EYS: variants seen among roughly 807,000 people sequenced by gnomAD.
EYS encodes EGF-like photoreceptor maintenance factor.
A neutral mutation model predicts 282.1 loss-of-function variants in EYS; 250 were observed. The observed-to-expected ratio is 0.89, with a 90% confidence interval of 0.80 to 0.98. The LOEUF (loss-of-function observed/expected upper bound fraction) is 0.98, where lower values mean the gene tolerates loss of function less well. Among genes scored for constraint, EYS ranks in the 50% least tolerant of loss-of-function variants. The pLI, the probability that EYS is intolerant of heterozygous loss-of-function variation, is 0.00. For missense variants in EYS, 4,016 were observed against 3,709.0 expected, an observed-to-expected ratio of 1.08 and a Z score of -2.15; for synonymous variants, 1,355 against 1,282.9, an observed-to-expected ratio of 1.06 and a Z score of -1.20.
chr6:64,845,338 C>A (rs1765686950), intron 19 of EYS, among the ~76,000 whole-genome samples: 1 of 151,930 alleles, frequency 6.6e-6, no homozygotes, highest in Admixed American at 6.6e-5. Flanking sequence ...AGAATCCATT[C>A]TTGGCTCTTC....
chr6:65,570,886 A>G (rs1383808871), intron 2 of EYS, among the ~76,000 whole-genome samples: 1 of 152,082 alleles, frequency 6.6e-6, no homozygotes, highest in Non-Finnish European at 1.5e-5. Flanking sequence ...ATTTTTTTCA[A>G]TGTATTTTTT....
intron 5 of EYS, among the ~76,000 whole-genome samples, chr6:65,442,408 TA>T (rs1001527377): frequency 5.3e-5 from 8 of 152,046 alleles, no homozygotes; most frequent in Non-Finnish European, 8.8e-5. Context: ...TATTTTATGG[TA>T]AGGCAATTTT....
intron 35 of EYS, among the ~76,000 whole-genome samples, chr6:63,966,222 G>A (rs1766301791): frequency 6.6e-6 from 1 of 152,190 alleles, no homozygotes; most frequent in South Asian, 2.1e-4. Flanking sequence ...CAGCGACCTG[G>A]ATGAGATTGG....
At chr6:64,786,360 G>T (rs1304381408) in intron 22 of EYS, among the ~76,000 whole-genome samples, 1 of 152,070 alleles carries the variant, frequency 6.6e-6, no homozygotes, top group Non-Finnish European at 1.5e-5. Flanking sequence ...ATATATAGAC[G>T]TTGGAAGAGG....
At chr6:65,125,323 AT>A (rs1287360800) in intron 12 of EYS, among the ~76,000 whole-genome samples, 1 of 152,180 alleles carries the variant, frequency 6.6e-6, no homozygotes, top group African/African-American at 2.4e-5. Flanking sequence ...TAGAGTCTCA[AT>A]GAAACCAGTT....
At chr6:64,656,791 G>A (rs896022584) in intron 22 of EYS, among the ~76,000 whole-genome samples, 1 of 152,144 alleles carries the variant, frequency 6.6e-6, no homozygotes, top group Non-Finnish European at 1.5e-5. Flanking sequence ...GTTCTGCTTT[G>A]CATGAAAGTA....
intron 5 of EYS, among the ~76,000 whole-genome samples, chr6:65,443,184 T>C (rs552766800): frequency 1.3e-5 from 2 of 151,638 alleles, no homozygotes; most frequent in African/African-American, 2.4e-5. Context: ...GTGCACATCA[T>C]ATACATATGT....
chr6:64,932,812 C>CAG (rs1205255732), intron 15 of EYS, among the ~76,000 whole-genome samples: 1 of 151,944 alleles, frequency 6.6e-6, no homozygotes, highest in Admixed American at 6.6e-5. Flanking sequence ...TTCATTTTAG[C>CAG]TGACCACTAA....
chr6:64,078,269 C>T (rs574418664), intron 32 of EYS, among the ~76,000 whole-genome samples: 3 of 152,146 alleles, frequency 2.0e-5, no homozygotes, highest in Admixed American at 2.0e-4. Flanking sequence ...CAAAGCAACT[C>T]AAACAAAATC....
Position 64,677,021 on chromosome 6 carries a change from C to T in EYS, c.3444-50776G>A, listed in dbSNP as rs146791456. Among the ~76,000 whole-genome samples the T allele has an allele frequency of 4.8e-3, 737 of 152,122 alleles. 3 individuals are homozygous for T. The highest frequency in any genetic ancestry group is 5.9e-3 in the Non-Finnish European group (403 of 68,008). ...GCTTTTTGAACTGTTTCAAAACAAG[C>T]GGAAGACACTTTAATAAAGCAGATG... On this transcript the variant is annotated intron_variant, in intron 22 of 42. Coordinates refer to ENST00000503581, the MANE Select transcript of EYS (RefSeq NM_001142800.2).
At chr6:64,888,197 A>C (rs1289262516) in intron 18 of EYS, among the ~76,000 whole-genome samples, 1 of 151,998 alleles carries the variant, frequency 6.6e-6, no homozygotes, top group Non-Finnish European at 1.5e-5. Flanking sequence ...GGAAGAATAA[A>C]TTTGGTGTCC....
At chr6:65,669,059 G>A (rs761262715) in intron 1 of EYS, among the ~76,000 whole-genome samples, 1 of 151,916 alleles carries the variant, frequency 6.6e-6, no homozygotes, top group Non-Finnish European at 1.5e-5. Flanking sequence ...GTTTATTTAA[G>A]TATATATGGT....
At chr6:65,322,863 C>T (rs1049512356) in intron 11 of EYS, among the ~76,000 whole-genome samples, 2 of 150,042 alleles carry the variant, frequency 1.3e-5, no homozygotes, top group African/African-American at 4.9e-5. Flanking sequence ...TCACTGGTTC[C>T]AATGTGTTCC....
At chr6:64,546,229 C>A (rs1764863062) in intron 26 of EYS, among the ~76,000 whole-genome samples, 1 of 152,108 alleles carries the variant, frequency 6.6e-6, no homozygotes, top group Non-Finnish European at 1.5e-5. Context: ...ATATCTACAA[C>A]CATCTGATCT....
At chr6:65,471,832 G>T (rs991261139) in intron 5 of EYS, among the ~76,000 whole-genome samples, 8 of 151,648 alleles carry the variant, frequency 5.3e-5, no homozygotes, top group Non-Finnish European at 1.2e-4. Flanking sequence ...AAGATAACAT[G>T]GTATTGTCAT....
chr6:63,949,665 G>A (rs1278748048), intron 35 of EYS, among the ~76,000 whole-genome samples: 1 of 152,050 alleles, frequency 6.6e-6, no homozygotes, highest in East Asian at 1.9e-4. Context: ...CTTGAGTTAA[G>A]AGACACACAG....
chr6:64,087,170 T>A (rs1207039210), intron 31 of EYS, among the ~76,000 whole-genome samples: 1 of 152,148 alleles, frequency 6.6e-6, no homozygotes, highest in East Asian at 1.9e-4. Flanking sequence ...ACCATAGATA[T>A]GGTTTTAGAC....
intron 13 of EYS, among the ~76,000 whole-genome samples, chr6:65,021,570 T>C (rs1348492639): frequency 6.6e-6 from 1 of 152,206 alleles, no homozygotes; most frequent in African/African-American, 2.4e-5. Flanking sequence ...TGTTCCCACA[T>C]TTTTCTGTCT....
At chr6:64,280,184 T>G (rs1339558360) in intron 30 of EYS, among the ~76,000 whole-genome samples, 8 of 152,118 alleles carry the variant, frequency 5.3e-5, no homozygotes, top group Admixed American at 5.2e-4. Flanking sequence ...GTAAATAAAT[T>G]AGGAATGTAT....
Sources: allele counts gnomAD v4.1 joint callset (sites outside exome capture counted in the v4.1 genomes callset), GRCh38; gene constraint gnomAD v4.1.1; transcripts MANE v1.5; gene names NCBI Gene and HGNC (gene_info 2026-07-23, HGNC 2026-07-21).